Variants in CACNA1C observed in about 807,000 individuals in gnomAD.
The protein encoded by CACNA1C is calcium voltage-gated channel subunit alpha1 C.
A neutral mutation model predicts 229.0 loss-of-function variants in CACNA1C; 30 were observed. The ratio of observed to expected loss-of-function variants is 0.13; its 90% CI spans 0.10 to 0.18. CACNA1C has a LOEUF of 0.18. CACNA1C is among the 10% of genes least tolerant of loss of function. The pLI is 1.00. For missense variants in CACNA1C, 1,658 were observed against 2,845.0 expected (o/e 0.58, Z 9.49); for synonymous variants, 1,114 against 1,132.5 (o/e 0.98, Z 0.33).
intron 6 of CACNA1C, among the ~76,000 whole-genome samples, chr12:2,492,959 G>C (rs1455740979): frequency 6.6e-6 from 1 of 152,216 alleles, no homozygotes; most frequent in Non-Finnish European, 1.5e-5. Flanking sequence ...ACAGTGAGTG[G>C]AAAGGACTGA....
chr12:2,135,940 T>C (rs539275555), intron 3 of CACNA1C, among the ~76,000 whole-genome samples: 2 of 149,438 alleles, frequency 1.3e-5, no homozygotes, highest in African/African-American at 5.0e-5. Flanking sequence ...CTCAGACTGC[T>C]GTGCTAGCAA....
At chr12:2,107,790 G>A (rs1277203934) in intron 1 of CACNA1C, among the ~76,000 whole-genome samples, 7 of 152,084 alleles carry the variant, frequency 4.6e-5, no homozygotes, top group Non-Finnish European at 8.8e-5. Context: ...GAATTCATTC[G>A]CTATTGCCTT....
chr12:2,601,785 G>T lies in CACNA1C; in HGVS notation c.2854-69G>T, dbSNP rs1393481320. ...CCAAGGGATGCTGTGGGAGGAAGGG[G>T]TGGTGTGAGGGGTCTCTGGGCTAGG... is the stretch of plus-strand genomic sequence containing the variant. On this transcript the variant is annotated intron_variant, in intron 21 of 46. Coordinates refer to ENST00000399655, the MANE Select transcript of CACNA1C (RefSeq NM_000719.7). This position sits in a 1 kb window ranked among gnomAD's most constrained non-coding sequence, Gnocchi z 5.9. The T allele has an allele frequency of 5.3e-6, 5 of 936,022 alleles. No individual in the cohort carries two copies. The highest frequency in any genetic ancestry group is 7.1e-6 in the Non-Finnish European group (4 of 562,316). The allele number at this position is 936,022 out of a possible 1,614,324, so 58.0% of individuals were successfully genotyped here. A position where few individuals can be genotyped will look rare whatever the true frequency, so the allele number is the denominator to read the frequency against.
intron 3 of CACNA1C, among the ~76,000 whole-genome samples, chr12:2,330,789 A>G (rs2096522201): frequency 6.6e-6 from 1 of 152,252 alleles, no homozygotes; most frequent in Non-Finnish European, 1.5e-5. Context: ...CTGCTTGGAA[A>G]AAATATCAAA....
Position 2,601,761 on chromosome 12 carries a change from C to T in CACNA1C, c.2854-93C>T. On this transcript the variant is annotated intron_variant, in intron 21 of 46. Transcript: ENST00000399655. The surrounding 1 kb of genome is among the most constrained non-coding windows in gnomAD (Gnocchi z 5.9). ...CCATGGATGGTGCTTGGGACTTGCC[C>T]AAGGGATGCTGTGGGAGGAAGGGGT... The T allele has an allele frequency of 1.2e-6, 1 of 818,444 alleles. No homozygotes were observed. The highest frequency in any genetic ancestry group is 2.2e-6 in the Non-Finnish European group (1 of 460,492). 50.7% of individuals were successfully genotyped at this position (818,444 alleles called of 1,614,324 possible). A position where few individuals can be genotyped will look rare whatever the true frequency, so the allele number is the denominator to read the frequency against.
chr12:2,475,458 C>A (rs1161989176), intron 5 of CACNA1C, among the ~76,000 whole-genome samples: 1 of 152,098 alleles, frequency 6.6e-6, no homozygotes, highest in Non-Finnish European at 1.5e-5. Flanking sequence ...CAGATATAGA[C>A]TTGAAAATAA....
At chr12:2,438,353 G>A (rs1484215590) in intron 3 of CACNA1C, among the ~76,000 whole-genome samples, 11 of 148,364 alleles carry the variant, frequency 7.4e-5, no homozygotes, top group Admixed American at 2.0e-4. Context: ...GATGATGGTG[G>A]TGGTAATGAT....
In CACNA1C at chr12:2,680,419, G is replaced by A. The variant is rs750528395; in HGVS notation, c.5444+623G>A. The A allele has an allele frequency of 1.7e-5, 26 of 1,560,846 alleles. No individual in the cohort carries two copies. The highest frequency in any genetic ancestry group is 1.1e-4 in the Admixed American group (6 of 52,494). ...ACCTTCCCTCCCGCCCTGGGCCCCC[G>A]CAGGGCTCCTCCCTGTCTGCATCAG... On this transcript the variant is annotated intron_variant, in intron 42 of 46. Coordinates refer to ENST00000399655, the MANE Select transcript of CACNA1C (RefSeq NM_000719.7).
chr12:2,286,902 C>T (rs981322974), intron 3 of CACNA1C, among the ~76,000 whole-genome samples: 1 of 152,246 alleles, frequency 6.6e-6, no homozygotes, highest in Non-Finnish European at 1.5e-5. Flanking sequence ...CCCTCCCTTA[C>T]TCATGTGCCC....
chr12:2,605,630 C>T lies in CACNA1C; in HGVS notation c.3049-49C>T. ...CCCCTGCTACCTCCTGGAAAGGCTC[C>T]TGGCATCTCCTGAAGCCACGTCCCT... On this transcript the variant is annotated intron_variant, in intron 23 of 46. Transcript: ENST00000399655. The surrounding 1 kb of genome is among the most constrained non-coding windows in gnomAD (Gnocchi z 6.2). 3 of 1,381,988 alleles carry T rather than the reference C, an allele frequency of 2.2e-6. No homozygotes were observed. The highest frequency in any genetic ancestry group is 1.2e-5 in the South Asian group (1 of 86,174). 85.6% of individuals were successfully genotyped at this position (1,381,988 alleles called of 1,614,324 possible).
At chr12:2,364,743 C>A (rs2097678180) in intron 3 of CACNA1C, among the ~76,000 whole-genome samples, 1 of 152,086 alleles carries the variant, frequency 6.6e-6, no homozygotes, top group Non-Finnish European at 1.5e-5. Context: ...AAAGACCAGT[C>A]ATTTCGGGGC....
chr12:2,664,724 C>A, intron 34 of CACNA1C, 101 bp from the exon 35 acceptor site: 2 of 949,366 alleles, frequency 2.1e-6, no homozygotes, highest in Non-Finnish European at 3.0e-6. Flanking sequence ...TAGTAACTCC[C>A]TCTGGGGAAG....
intron 3 of CACNA1C, among the ~76,000 whole-genome samples, chr12:2,294,028 C>T (rs552786028): frequency 2.8e-4 from 43 of 152,328 alleles, no homozygotes; most frequent in African/African-American, 9.6e-4. Context: ...CAGCCACTGT[C>T]AGGCACTAGT....
rs543148561 is a variant in CACNA1C at position 2,327,264 on chromosome 12, G to A, written c.478-121712G>A. ...GAATTCCTGTTCTTCTCAATTTTCC[G>A]CTAGCTTTGTAAGTTATTTGCAGGT... On this transcript the variant is annotated intron_variant, in intron 3 of 46. Transcript: ENST00000399655. Among the ~76,000 whole-genome samples the A allele has an allele frequency of 4.0e-4, 61 of 152,300 alleles. No individual in the cohort carries two copies. In the South Asian group the frequency reaches 0.011, roughly 27 times the overall value.
chr12:2,255,736 G>T (rs965523149), intron 3 of CACNA1C, among the ~76,000 whole-genome samples: 4 of 151,334 alleles, frequency 2.6e-5, no homozygotes, highest in African/African-American at 9.7e-5. Context: ...AAGCTTTATT[G>T]TGAGTTAAGC....
upstream of CACNA1C, among the ~76,000 whole-genome samples, chr12:2,052,089 G>A (rs1262975138): frequency 2.6e-5 from 4 of 152,232 alleles, no homozygotes; most frequent in Admixed American, 6.5e-5. Context: ...TGCTGTGGTT[G>A]CAGGGAGTGA....
At chr12:2,368,476 C>T (rs1287384660) in intron 3 of CACNA1C, among the ~76,000 whole-genome samples, 1 of 151,884 alleles carries the variant, frequency 6.6e-6, no homozygotes, top group African/African-American at 2.4e-5. Context: ...TTTTTATGTA[C>T]CAAAAATGAC....
chr12:2,612,173 GCC>G, intron 29 of CACNA1C, 160 bp downstream of exon 29: 1 of 592,878 alleles, frequency 1.7e-6, no homozygotes, highest in South Asian at 2.1e-5. Context: ...TCCTACACCT[GCC>G]CAGAGCTGAA....
At position 2,682,692 on chromosome 12, in the gene CACNA1C, C is replaced by T. The variant is rs768788045; in HGVS notation, c.5573+14C>T. The T allele has an allele frequency of 1.5e-5, 24 of 1,606,522 alleles. No individual in the cohort carries two copies. The stretch of plus-strand genomic sequence containing the variant: ...CTCCACAGAGATGTGAGCTCTGCTG[C>T]CCTCTGCTGAGGCTGACCCAAGTGT... On this transcript the variant is annotated intron_variant, in intron 43 of 46. Coordinates refer to ENST00000399655, the MANE Select transcript of CACNA1C (RefSeq NM_000719.7).
Sources: allele counts gnomAD v4.1 joint callset (sites outside exome capture counted in the v4.1 genomes callset), GRCh38; gene constraint gnomAD v4.1.1; non-coding constraint Gnocchi (gnomAD v3.1); transcripts MANE v1.5; gene names NCBI Gene and HGNC (gene_info 2026-07-23, HGNC 2026-07-21).